The following ZNF286A variants were observed in gnomAD, a reference collection of about 807,000 sequenced individuals.
ZNF286A encodes zinc finger protein ZNF286.
In ZNF286A, 34 loss-of-function variants were observed where a neutral mutation model predicts 49.3. The ratio of observed to expected loss-of-function variants is 0.69; its 90% confidence interval spans 0.52 to 0.92. The LOEUF (loss-of-function observed/expected upper bound fraction) is 0.92, where lower values mean the gene tolerates loss of function less well. Ranked by LOEUF, ZNF286A falls within the 40% of genes least tolerant of loss-of-function variation. The pLI is 0.00. For missense variants in ZNF286A, 462 were observed against 600.2 expected (o/e 0.77, Z 2.41); for synonymous variants, 155 against 200.4 (o/e 0.77, Z 1.91).
Position 15,708,202 on chromosome 17 carries a change from G to T in ZNF286A, c.289G>T (p.Glu97Ter), listed in dbSNP as rs1268851955. The part of the protein sequence containing the change: ...PESYNLENGK[E>*]PLKLERKAPK... ...GAGCTACAACTTGGAGAATGGAAAA[G>T]AACCATTGAAGCTTGAGAGAAAAGC... Residue 97 changes from glutamate (E) to a stop codon, truncating the protein, a stop_gained, in exon 5 of 6, where the codon GAA becomes TAA. Coordinates refer to ENST00000583566, the MANE Select transcript of ZNF286A (RefSeq NM_001130842.2). LOFTEE classifies it high-confidence loss of function. The T allele has an allele frequency of 3.8e-6, 6 of 1,596,324 alleles. No homozygotes were observed. Among genetic ancestry groups the T allele is most frequent in the Non-Finnish European group, 5.1e-6 (6 of 1,171,754 alleles).
chr17:15,707,465 C>G (rs1438839501), intron 4 of ZNF286A, among the ~76,000 whole-genome samples: 1 of 151,108 alleles, frequency 6.6e-6, no homozygotes, highest in African/African-American at 2.4e-5. Flanking sequence ...AAGAAAGTGA[C>G]TTCTAATAAC....
At position 15,719,770 on chromosome 17, in the gene ZNF286A, A is replaced by G. The variant is rs991007537; in HGVS notation, c.*2480A>G. ...TAAAATATTTACTGTTTGGCTCTTT[A>G]CAGAAAATATTTTCTTGGCCCCTGT... On this transcript the variant is annotated 3_prime_UTR_variant, in exon 6 of 6. Transcript: ENST00000583566. The G allele has an allele frequency of 6.6e-6, 1 of 152,224 alleles. No individual in the cohort carries two copies. Among genetic ancestry groups the G allele is most frequent in the African/African-American group, 2.4e-5 (1 of 41,448 alleles). The allele number at this position is 152,224 out of a possible 1,614,324, so 9.4% of individuals were successfully genotyped here. A position where few individuals can be genotyped will look rare whatever the true frequency, so the allele number is the denominator to read the frequency against.
chr17:15,709,349 G>A (rs531014873), intron 5 of ZNF286A, among the ~76,000 whole-genome samples: 10 of 149,782 alleles, frequency 6.7e-5, no homozygotes, highest in East Asian at 4.0e-4. Context: ...AAAATTAGCC[G>A]GGCATGGTGA....
At chr17:15,705,583 A>T (rs770428229) in intron 3 of ZNF286A, among the ~76,000 whole-genome samples, 1 of 152,106 alleles carries the variant, frequency 6.6e-6, no homozygotes, top group Non-Finnish European at 1.5e-5. Flanking sequence ...CTATTTTTGG[A>T]ATGTATTGAA....
chr17:15,720,304 G>A lies in ZNF286A; in HGVS notation c.*3014G>A, dbSNP rs1967307354. 6 of 151,350 alleles carry A rather than the reference G, an allele frequency of 4.0e-5. No homozygotes were observed. The South Asian group carries it at 1.3e-3, about 32-fold the overall frequency. 9.4% of individuals were successfully genotyped at this position (151,350 alleles called of 1,614,324 possible). On this transcript the variant is annotated 3_prime_UTR_variant, in exon 6 of 6. Transcript: ENST00000583566. ...TCTCTCCTTCTCTACATAGAGAAGT[G>A]CCAGAGCATCCGTCAGTAGAAGTTA...
intron 5 of ZNF286A, among the ~76,000 whole-genome samples, chr17:15,713,371 A>G (rs1966877387): frequency 6.6e-6 from 1 of 152,264 alleles, no homozygotes. Context: ...TCTTTAATGT[A>G]TGACATTATA....
At chr17:15,709,194 G>A (rs1261919178) in intron 5 of ZNF286A, among the ~76,000 whole-genome samples, 1 of 150,776 alleles carries the variant, frequency 6.6e-6, no homozygotes, top group Non-Finnish European at 1.5e-5. Flanking sequence ...TTCAGTTAAA[G>A]CCCTTTTATT....
At position 15,719,204 on chromosome 17, in the gene ZNF286A, AGTATT is replaced by A. The variant is rs1478779098; in HGVS notation, c.*1915_*1919del. 2 of 135,544 alleles carry A rather than the reference AGTATT, an allele frequency of 1.5e-5. 1 individual carries two copies. The highest frequency in any genetic ancestry group is 1.5e-4 in the Admixed American group (2 of 13,750). The allele number at this position is 135,544 out of a possible 1,614,324, so 8.4% of individuals were successfully genotyped here. ...AGGAACTCACCTCTTTTATCATCTT[AGTATT>A]TAGTACTAATGGTTTAGAGCAGGAA... On this transcript the variant is annotated 3_prime_UTR_variant, in exon 6 of 6. Transcript: ENST00000583566.
intron 3 of ZNF286A, among the ~76,000 whole-genome samples, chr17:15,705,749 T>C (rs1185692448): frequency 6.6e-6 from 1 of 152,246 alleles, no homozygotes; most frequent in Non-Finnish European, 1.5e-5. Context: ...TCAATGCAGA[T>C]ATGTATCTAT....
rs547956652 is a variant in ZNF286A at position 15,701,996 on chromosome 17, C to G, written c.126+756C>G. ...AATTAGCCAGGCATGGTGGCACGCA[C>G]CTGTAGTCCCAGCTAGTCTGGAGGC... On this transcript the variant is annotated intron_variant, in intron 3 of 5. Transcript: ENST00000583566. 4.6e-5 allele frequency among the ~76,000 whole-genome samples: 7 copies of G among 152,082 alleles called. No individual in the cohort carries two copies. The South Asian group carries it at 1.5e-3, about 32-fold the overall frequency.
At chr17:15,710,015 C>A in intron 5 of ZNF286A, 3 of 1,147,870 alleles carry the variant, frequency 2.6e-6, no homozygotes, top group Non-Finnish European at 3.6e-6. Flanking sequence ...ATTTTCATTT[C>A]TCTGAGTGAT....
rs1967306438 is a variant in ZNF286A, at chr17:15,720,292, A to G, written c.*3002A>G. On this transcript the variant is annotated 3_prime_UTR_variant, in exon 6 of 6. Transcript: ENST00000583566. The stretch of plus-strand genomic sequence containing the variant: ...GTGCTCTCTTTCTCTCTCCTTCTCT[A>G]CATAGAGAAGTGCCAGAGCATCCGT... The G allele has an allele frequency of 1.3e-5, 2 of 151,464 alleles. No homozygotes were observed. Among genetic ancestry groups the G allele is most frequent in the South Asian group, 2.1e-4 (1 of 4,740 alleles). The allele number at this position is 151,464 out of a possible 1,614,324, so 9.4% of individuals were successfully genotyped here.
At position 15,718,640 on chromosome 17, in the gene ZNF286A, C is replaced by T. The variant is rs910548497; in HGVS notation, c.*1350C>T. On this transcript the variant is annotated 3_prime_UTR_variant, in exon 6 of 6. Coordinates refer to ENST00000583566, the MANE Select transcript of ZNF286A (RefSeq NM_001130842.2). ...ACGGAAAATAGCTCACAGGATAGTC[C>T]TCAACTGACTTGCTTGAGGATAAGC... The T allele has an allele frequency of 5.3e-5, 8 of 151,422 alleles. No individual in the cohort carries two copies. Among genetic ancestry groups the T allele is most frequent in the Non-Finnish European group, 5.9e-5 (4 of 67,954 alleles). 9.4% of individuals were successfully genotyped at this position (151,422 alleles called of 1,614,324 possible). A position where few individuals can be genotyped will look rare whatever the true frequency, so the allele number is the denominator to read the frequency against.
intron 5 of ZNF286A, among the ~76,000 whole-genome samples, chr17:15,714,776 T>C (rs1055940878): frequency 6.2e-5 from 9 of 145,118 alleles, no homozygotes; most frequent in African/African-American, 2.3e-4. Flanking sequence ...ACATGGAGGA[T>C]ATTCTATAAA....
Position 15,716,415 on chromosome 17 carries a change from A to C in ZNF286A, c.691A>C (p.Met231Leu), listed in dbSNP as rs1262633171. The part of the protein sequence containing the change: ...EKSLKQKSNL[M>L]KKQRTYKEKK... Reference sequence around the variant, plus strand: ...AAGCTTGAAACAAAAATCAAACTTAATGAAAAAGCAGAGAACTTATAAAGA... The same window carrying C: ...AAGCTTGAAACAAAAATCAAACTTACTGAAAAAGCAGAGAACTTATAAAGA... The change falls in exon 6 of 6, where the codon ATG becomes CTG. Residue 231 changes from methionine (M) to leucine (L), a missense_variant. Met to Leu is a conservative substitution (Grantham distance 15). Coordinates refer to ENST00000583566, the MANE Select transcript of ZNF286A (RefSeq NM_001130842.2). 15 of 1,613,290 alleles carry C rather than the reference A, an allele frequency of 9.3e-6. No individual in the cohort carries two copies. Among genetic ancestry groups the C allele is most frequent in the Non-Finnish European group, 1.3e-5 (15 of 1,179,766 alleles).
rs1366937821 is a variant in ZNF286A at position 15,720,031 on chromosome 17, G to A, written c.*2741G>A. 12 of 152,128 alleles carry A rather than the reference G, an allele frequency of 7.9e-5. No homozygotes were observed. Among genetic ancestry groups the A allele is most frequent in the Admixed American group, 7.2e-4 (11 of 15,286 alleles). 9.4% of individuals were successfully genotyped at this position (152,128 alleles called of 1,614,324 possible). ...ATTTGAGAGCCAAAATTTGACTAAGGAAAGAAGACCAACATGGGCTTTCCA... is the reference window on the plus strand; with the variant it reads ...ATTTGAGAGCCAAAATTTGACTAAGAAAAGAAGACCAACATGGGCTTTCCA... On this transcript the variant is annotated 3_prime_UTR_variant, in exon 6 of 6. Transcript: ENST00000583566.
At chr17:15,707,063 C>T (rs905781979) in intron 4 of ZNF286A, among the ~76,000 whole-genome samples, 6 of 152,180 alleles carry the variant, frequency 3.9e-5, no homozygotes, top group Admixed American at 2.0e-4. Flanking sequence ...TGCACGCATA[C>T]ACACATGCAT....
intron 5 of ZNF286A, chr17:15,708,515 A>G (rs1990412839): frequency 7.1e-6 from 2 of 281,820 alleles, no homozygotes; most frequent in Admixed American, 1.0e-4. Flanking sequence ...ATAATTATAC[A>G]GTTGGATGAA....
chr17:15,706,311 C>A (rs1482968666), intron 3 of ZNF286A, 76 bp from the exon 4 acceptor site: 5 of 1,231,258 alleles, frequency 4.1e-6, no homozygotes, highest in Non-Finnish European at 5.9e-6. Flanking sequence ...GCTTTTGCTC[C>A]AGGGCCAGCA....
Sources: gnomAD v4.1 joint callset for allele counts (sites outside exome capture counted in the v4.1 genomes callset) on GRCh38, gnomAD v4.1.1 for gene constraint, MANE v1.5 for transcripts, NCBI Gene and HGNC (gene_info 2026-07-23, HGNC 2026-07-21) for gene names.